Variants in STXBP5 observed in about 807,000 individuals in gnomAD.
STXBP5 encodes the protein syntaxin-binding protein 5.
In STXBP5, 50 loss-of-function variants were observed where a neutral mutation model predicts 152.4. The ratio of observed to expected loss-of-function variants is 0.33; its 90% CI spans 0.26 to 0.42. The LOEUF (loss-of-function observed/expected upper bound fraction) is 0.42, where lower values mean the gene tolerates loss of function less well. STXBP5 is among the 10% of genes least tolerant of loss of function. The pLI is 1.00. For synonymous variants in STXBP5, 492 were observed against 494.7 expected, an observed-to-expected ratio of 0.99 and a Z score of 0.07; for missense variants, 1,167 against 1,388.6, an observed-to-expected ratio of 0.84 and a Z score of 2.54.
rs182696714 is a variant in STXBP5, at chr6:147,373,864, G to A, written c.3193+22G>A. 5,108 of 1,557,284 alleles carry A rather than the reference G, an allele frequency of 3.3e-3. 6 individuals carry two copies. Among genetic ancestry groups the A allele is most frequent in the Non-Finnish European group, 4.1e-3 (4,680 of 1,131,616 alleles). ...CTATGTAAGTTGATTTATTTAATTC[G>A]GATAATATATCTATAAAACAGGAAC... On this transcript the variant is annotated intron_variant, in intron 26 of 27. Coordinates refer to ENST00000321680, the MANE Select transcript of STXBP5 (RefSeq NM_001127715.4).
At chr6:147,224,154 G>A (rs118022104) in intron 2 of STXBP5, among the ~76,000 whole-genome samples, 4,664 of 152,322 alleles carry the variant, frequency 0.031, 115 homozygotes, top group Non-Finnish European at 0.051. Context: ...GGCCAGGTGC[G>A]ATGGCACATG....
At chr6:147,261,244 T>G (rs976509699) in intron 5 of STXBP5, among the ~76,000 whole-genome samples, 8 of 152,010 alleles carry the variant, frequency 5.3e-5, no homozygotes, top group Admixed American at 5.2e-4. Flanking sequence ...TTTGATAAAT[T>G]TTTACTTTTT....
At chr6:147,278,627 T>C (rs1780556527) in intron 8 of STXBP5, among the ~76,000 whole-genome samples, 2 of 152,106 alleles carry the variant, frequency 1.3e-5, no homozygotes, top group Admixed American at 6.5e-5. Context: ...TATCAAAATA[T>C]GGTGTCAGGA....
At chr6:147,322,618 C>G (rs961094020) in intron 16 of STXBP5, among the ~76,000 whole-genome samples, 1 of 152,186 alleles carries the variant, frequency 6.6e-6, no homozygotes, top group Non-Finnish European at 1.5e-5. Context: ...CTCTCACACA[C>G]TGTCATTTCA....
intron 6 of STXBP5, among the ~76,000 whole-genome samples, chr6:147,266,366 A>T (rs1004305115): frequency 1.3e-5 from 2 of 152,154 alleles, no homozygotes. Flanking sequence ...TAGGAGCAAG[A>T]CTGGAGTCAA....
At chr6:147,353,507 A>G in intron 22 of STXBP5, 134 bp downstream of exon 22, 2 of 502,822 alleles carry the variant, frequency 4.0e-6, no homozygotes, top group Admixed American at 4.0e-5. Context: ...AGGTTTAAAC[A>G]TTCTTTGGAA....
intron 2 of STXBP5, among the ~76,000 whole-genome samples, chr6:147,217,914 A>G (rs146613246): frequency 6.6e-6 from 1 of 152,332 alleles, no homozygotes; most frequent in East Asian, 1.9e-4. Context: ...TACTGCAGAA[A>G]TAGTTCATTT....
In STXBP5 at chr6:147,386,360, G is replaced by A. The variant is rs1786338708; in HGVS notation, c.*1605G>A. The A allele has an allele frequency of 1.3e-5, 2 of 151,444 alleles. No individual in the cohort carries two copies. The highest frequency in any genetic ancestry group is 4.2e-4 in the South Asian group (2 of 4,812). 9.4% of individuals were successfully genotyped at this position (151,444 alleles called of 1,614,324 possible). On this transcript the variant is annotated 3_prime_UTR_variant, in exon 28 of 28. Transcript: ENST00000321680. ...ATATGATCATTAAAGGAATATGTAG[G>A]ACATCTTAACTTTTTCATACAGTCT...
intron 18 of STXBP5, among the ~76,000 whole-genome samples, chr6:147,331,599 G>T (rs1345907904): frequency 6.6e-6 from 1 of 152,130 alleles, no homozygotes; most frequent in Non-Finnish European, 1.5e-5. Context: ...GAACATTGCT[G>T]GCATTCAGGT....
At chr6:147,267,463 C>A (rs1282543344) in intron 7 of STXBP5, among the ~76,000 whole-genome samples, 1 of 151,986 alleles carries the variant, frequency 6.6e-6, no homozygotes, top group Admixed American at 6.6e-5. Context: ...CTTATTTTTT[C>A]TTTTGTACGA....
At chr6:147,219,960 T>C (rs546240802) in intron 2 of STXBP5, among the ~76,000 whole-genome samples, 1 of 151,938 alleles carries the variant, frequency 6.6e-6, no homozygotes, top group South Asian at 2.1e-4. Context: ...TGTAGTTTCT[T>C]AAAGCAGAAG....
intron 8 of STXBP5, among the ~76,000 whole-genome samples, chr6:147,283,684 G>A (rs988849050): frequency 1.3e-5 from 2 of 152,134 alleles, no homozygotes; most frequent in African/African-American, 2.4e-5. Context: ...CAACTAGGCC[G>A]TTTGCCAACC....
At chr6:147,290,217 GA>G (rs1218494518) in intron 8 of STXBP5, among the ~76,000 whole-genome samples, 2 of 151,600 alleles carry the variant, frequency 1.3e-5, no homozygotes, top group Non-Finnish European at 2.9e-5. Context: ...TCAAAAAAAA[GA>G]AAAAAAATTT....
chr6:147,280,066 T>C (rs1234631815), intron 8 of STXBP5, among the ~76,000 whole-genome samples: 1 of 107,470 alleles, frequency 9.3e-6, no homozygotes, highest in Non-Finnish European at 1.9e-5. Context: ...TATTCCATGG[T>C]CTTTTTTTTT....
chr6:147,350,324 T>C (rs1319170190), intron 21 of STXBP5, among the ~76,000 whole-genome samples: 1 of 152,068 alleles, frequency 6.6e-6, no homozygotes, highest in African/African-American at 2.4e-5. Flanking sequence ...GTAGAAATCC[T>C]AAGGAAGATC....
chr6:147,380,641 A>G (rs1300601814), intron 26 of STXBP5, among the ~76,000 whole-genome samples: 3 of 150,708 alleles, frequency 2.0e-5, no homozygotes, highest in Non-Finnish European at 4.4e-5. Flanking sequence ...ACAAGCAACC[A>G]AAGGAAAAAA....
intron 2 of STXBP5, among the ~76,000 whole-genome samples, chr6:147,212,993 TAAAC>T (rs965533858): frequency 1.1e-4 from 16 of 152,126 alleles, no homozygotes; most frequent in Admixed American, 7.2e-4. Flanking sequence ...TAAATTAACT[TAAAC>T]AAGAATATTG....
chr6:147,390,362 AAATT>A lies in STXBP5; in HGVS notation c.*5615_*5618del, dbSNP rs1378367711. 9.2e-5 allele frequency: 14 copies of A among 152,102 alleles called. No individual in the cohort carries two copies. The highest frequency in any genetic ancestry group is 7.7e-4 in the East Asian group (4 of 5,168). 9.4% of individuals were successfully genotyped at this position (152,102 alleles called of 1,614,324 possible). ...GCTGGTATTTTAAAAAATGTATTAT[AAATT>A]AATTAATGTTTCTGGAAAATGTTCA... is the stretch of plus-strand genomic sequence containing the variant. On this transcript the variant is annotated 3_prime_UTR_variant, in exon 28 of 28. Coordinates refer to ENST00000321680, the MANE Select transcript of STXBP5 (RefSeq NM_001127715.4).
At chr6:147,352,322 C>T (rs539762408) in intron 21 of STXBP5, among the ~76,000 whole-genome samples, 82 of 152,220 alleles carry the variant, frequency 5.4e-4, no homozygotes, top group Middle Eastern at 3.4e-3. Context: ...TAAGTTTGGC[C>T]TATAAGCTAG....
Sources: gnomAD v4.1 joint callset for allele counts (sites outside exome capture counted in the v4.1 genomes callset) on GRCh38, gnomAD v4.1.1 for gene constraint, MANE v1.5 for transcripts, NCBI Gene and HGNC (gene_info 2026-07-23, HGNC 2026-07-21) for gene names.